The following PPARGC1A variants were observed in gnomAD, a reference collection of about 807,000 sequenced individuals.
PPARGC1A encodes peroxisome proliferator-activated receptor gamma coactivator 1-alpha.
A neutral mutation model predicts 88.7 loss-of-function variants in PPARGC1A; 25 were observed. The ratio of observed to expected loss-of-function variants is 0.28; its 90% confidence interval spans 0.21 to 0.39. The LOEUF (loss-of-function observed/expected upper bound fraction) is 0.39, where lower values mean the gene tolerates loss of function less well. PPARGC1A is among the 10% of genes least tolerant of loss of function. The pLI, the probability that PPARGC1A is intolerant of heterozygous loss-of-function variation, is 1.00. For synonymous variants in PPARGC1A, 363 were observed against 355.6 expected (o/e 1.02, Z -0.24); for missense variants, 880 against 968.7 (o/e 0.91, Z 1.22).
the PPARGC1A span, among the ~76,000 whole-genome samples, chr4:24,432,515 C>T: frequency 5.3e-5 from 8 of 152,184 alleles, no homozygotes. Flanking sequence ...GGTCATGGAA[C>T]TCCATTTAGC....
chr4:23,925,972 G>A, the PPARGC1A span, among the ~76,000 whole-genome samples: 1 of 152,110 alleles, frequency 6.6e-6, no homozygotes, highest in African/African-American at 2.4e-5. Flanking sequence ...TCCTAAGACC[G>A]TATTTCTACC....
intron 2 of PPARGC1A, among the ~76,000 whole-genome samples, chr4:23,834,525 C>T (rs1040991675): frequency 4.6e-5 from 7 of 151,688 alleles, no homozygotes; most frequent in Non-Finnish European, 7.4e-5. Context: ...GTTTAGGAGG[C>T]AAATCCTAAT....
At chr4:24,060,532 C>T in the PPARGC1A span, among the ~76,000 whole-genome samples, 1,432 of 152,170 alleles carry the variant, frequency 9.4e-3, 75 homozygotes, top group Admixed American at 0.08. Context: ...TGTAGAACAA[C>T]AACAAAAAAA....
chr4:24,313,278 GGAAAGGGAGGAAAAACCTTATTATGT>G, the PPARGC1A span, among the ~76,000 whole-genome samples: 1 of 152,160 alleles, frequency 6.6e-6, no homozygotes, highest in Admixed American at 6.5e-5. Flanking sequence ...GGCAATAATG[GGAAAGGGAGGAAAAACCTTATTATGT>G]GAAAGAGAGG....
At chr4:24,089,517 T>TCTTTC in the PPARGC1A span, among the ~76,000 whole-genome samples, 1 of 147,212 alleles carries the variant, frequency 6.8e-6, no homozygotes, top group Non-Finnish European at 1.5e-5. Flanking sequence ...TTTCTTTCTT[T>TCTTTC]TTTTTTTTTT....
the PPARGC1A span, among the ~76,000 whole-genome samples, chr4:24,008,365 G>T: frequency 6.6e-6 from 1 of 152,156 alleles, no homozygotes; most frequent in East Asian, 1.9e-4. Context: ...CCCCTTGGCA[G>T]ATATTGACTT....
At chr4:23,873,364 C>T (rs759599849) in intron 2 of PPARGC1A, among the ~76,000 whole-genome samples, 21 of 151,986 alleles carry the variant, frequency 1.4e-4, no homozygotes, top group African/African-American at 2.9e-4. Context: ...GCAGCTTAAG[C>T]GGGTAATACA....
chr4:24,135,802 G>T, the PPARGC1A span, among the ~76,000 whole-genome samples: 9 of 152,300 alleles, frequency 5.9e-5, no homozygotes, highest in African/African-American at 1.9e-4. Flanking sequence ...ACATGGTGCA[G>T]TTTTGATTAA....
At chr4:24,347,296 T>C in the PPARGC1A span, among the ~76,000 whole-genome samples, 2 of 149,830 alleles carry the variant, frequency 1.3e-5, no homozygotes, top group Non-Finnish European at 3.0e-5. Flanking sequence ...TTCCAAGATA[T>C]AGTTTAAATC....
chr4:24,064,800 C>T, the PPARGC1A span, among the ~76,000 whole-genome samples: 1 of 152,128 alleles, frequency 6.6e-6, no homozygotes, highest in South Asian at 2.1e-4. Flanking sequence ...GTGCATCTTA[C>T]TAGCTGATCG....
At chr4:23,839,237 A>G (rs533397291) in intron 2 of PPARGC1A, among the ~76,000 whole-genome samples, 1 of 152,304 alleles carries the variant, frequency 6.6e-6, no homozygotes, top group South Asian at 2.1e-4. Context: ...TGTAGAGGTT[A>G]TAAGAGCCAG....
chr4:24,129,945 C>A, the PPARGC1A span, among the ~76,000 whole-genome samples: 2 of 151,698 alleles, frequency 1.3e-5, no homozygotes, highest in Non-Finnish European at 2.9e-5. Flanking sequence ...GGGAATTGAA[C>A]AATGAGAACA....
chr4:24,459,222 C>T, the PPARGC1A span, among the ~76,000 whole-genome samples: 2 of 151,952 alleles, frequency 1.3e-5, no homozygotes, highest in Non-Finnish European at 2.9e-5. Flanking sequence ...AGGGGAAACT[C>T]CCTTTTTAGC....
the PPARGC1A span, among the ~76,000 whole-genome samples, chr4:24,357,160 A>G: frequency 2.0e-5 from 3 of 152,306 alleles, no homozygotes; most frequent in Admixed American, 1.3e-4. Flanking sequence ...CACACCTTAC[A>G]CTGGTTTCCT....
chr4:24,228,521 T>C, the PPARGC1A span, among the ~76,000 whole-genome samples: 58 of 151,912 alleles, frequency 3.8e-4, no homozygotes, highest in Non-Finnish European at 7.5e-4. Context: ...GAGGCAAGGG[T>C]TGAAAAACTA....
the PPARGC1A span, among the ~76,000 whole-genome samples, chr4:24,252,593 A>G: frequency 6.6e-6 from 1 of 152,228 alleles, no homozygotes; most frequent in Non-Finnish European, 1.5e-5. Context: ...ACAGATGCCC[A>G]ATATAAAGCA....
At chr4:24,110,479 C>T in the PPARGC1A span, among the ~76,000 whole-genome samples, 1 of 152,190 alleles carries the variant, frequency 6.6e-6, no homozygotes, top group Non-Finnish European at 1.5e-5. Flanking sequence ...AACTCCTGTC[C>T]CAGCTCTGCA....
chr4:23,901,924 T>C (rs1352104307), upstream of PPARGC1A, among the ~76,000 whole-genome samples: 1 of 152,182 alleles, frequency 6.6e-6, no homozygotes, highest in Non-Finnish European at 1.5e-5. Context: ...AGTGAAATGC[T>C]GGCAAGTTGC....
the PPARGC1A span, among the ~76,000 whole-genome samples, chr4:24,187,107 C>T: frequency 6.6e-6 from 1 of 152,166 alleles, no homozygotes; most frequent in South Asian, 2.1e-4. Flanking sequence ...TTTGCCTATG[C>T]ACTTTAAGTT....
Sources: gnomAD v4.1 joint callset for allele counts (sites outside exome capture counted in the v4.1 genomes callset) on GRCh38, gnomAD v4.1.1 for gene constraint, MANE v1.5 for transcripts, NCBI Gene and HGNC (gene_info 2026-07-23, HGNC 2026-07-21) for gene names.